MPG: variants seen among roughly 807,000 people sequenced by gnomAD.
MPG encodes DNA-3-methyladenine glycosylase.
In MPG, 33 loss-of-function variants were observed where a neutral mutation model predicts 31.7. The observed-to-expected ratio is 1.04, with a 90% CI of 0.79 to 1.39. MPG has a LOEUF of 1.39. MPG is among the 40% of genes most tolerant of loss of function. The probability of loss-of-function intolerance (pLI) is 0.00; values close to 1 mark genes in which losing one functional copy is unlikely to be tolerated. For synonymous variants in MPG, 202 were observed against 169.2 expected (o/e 1.19, Z -1.51); for missense variants, 455 against 415.5 (o/e 1.10, Z -0.83).
chr16:79,610 T>A lies in MPG; in HGVS notation c.210T>A (p.Tyr70Ter). 2 of 1,602,436 alleles carry A rather than the reference T, an allele frequency of 1.2e-6. No individual in the cohort carries two copies. The highest frequency in any genetic ancestry group is 1.7e-6 in the Non-Finnish European group (2 of 1,174,260). ...CTCCGGGCCCATACCGCAGCATCTATTTCTCAAGCCCAAAGGGCCACCTTA... is the reference window on the plus strand; with the variant it reads ...CTCCGGGCCCATACCGCAGCATCTAATTCTCAAGCCCAAAGGGCCACCTTA... ...PTTPGPYRSI[Y>*]FSSPKGHLTR... Residue 70 changes from tyrosine (Y) to a stop codon, truncating the protein, a stop_gained, in exon 2 of 4, where the codon TAT (tyrosine) becomes TAA (stop). Transcript: ENST00000356432. LOFTEE classifies it high-confidence loss of function.
chr16:78,307 C>T lies in MPG; in HGVS notation c.-3C>T, dbSNP rs931830716. The T allele has an allele frequency of 5.3e-6, 7 of 1,330,940 alleles. No individual in the cohort carries two copies. The highest frequency in any genetic ancestry group is 3.2e-5 in the East Asian group (1 of 30,778). The allele number at this position is 1,330,940 out of a possible 1,614,324, so 82.4% of individuals were successfully genotyped here. ...CCCACGAAGCCCCGGCCCGAGCCGC[C>T]GGATGCCCGCGCGCAGCGGGGCCCA... On this transcript the variant is annotated 5_prime_UTR_variant, in exon 1 of 4. Transcript: ENST00000356432.
At chr16:85,339 G>A (rs934212442) in intron 3 of MPG, 62 bp from the exon 4 acceptor site, 2 of 1,521,372 alleles carry the variant, frequency 1.3e-6, no homozygotes, top group South Asian at 1.3e-5. Context: ...GTCTGGATGT[G>A]TACTAGGGCA....
At chr16:80,219 G>A (rs532622822) in intron 2 of MPG, among the ~76,000 whole-genome samples, 1 of 152,334 alleles carries the variant, frequency 6.6e-6, no homozygotes, top group African/African-American at 2.4e-5. Context: ...GTCCCCACGA[G>A]CAGATGCTCA....
At chr16:82,251 C>CCCACACTGA (rs1173920037) in intron 2 of MPG, among the ~76,000 whole-genome samples, 1 of 152,070 alleles carries the variant, frequency 6.6e-6, no homozygotes, top group Admixed American at 6.6e-5. Context: ...CTGAATGCTC[C>CCCACACTGA]CCCGGCGAGC....
chr16:83,106 A>C lies in MPG; in HGVS notation c.355A>C (p.Thr119Pro). The C allele has an allele frequency of 6.2e-7, 1 of 1,612,826 alleles. No homozygotes were observed. The highest frequency in any genetic ancestry group is 8.5e-7 in the Non-Finnish European group (1 of 1,179,708). Reference protein sequence around the residue: ...GTELRGRIVETEAYLGPEDEA... With the variant: ...GTELRGRIVEPEAYLGPEDEA... ...AGAACTCCGAGGCCGCATCGTGGAGACCGAGGCATACCTGGGGCCAGAGGA... is the reference window on the plus strand; with the variant it reads ...AGAACTCCGAGGCCGCATCGTGGAGCCCGAGGCATACCTGGGGCCAGAGGA... The change falls in exon 3 of 4, where the codon ACC becomes CCC. Residue 119 changes from threonine to proline, a missense_variant. Transcript: ENST00000356432.
At chr16:81,567 C>A (rs1898236302) in intron 2 of MPG, among the ~76,000 whole-genome samples, 1 of 151,976 alleles carries the variant, frequency 6.6e-6, no homozygotes, top group Non-Finnish European at 1.5e-5. Context: ...GCTTCCCGCC[C>A]AGGCACTGAC....
chr16:83,615 C>T (rs914669769), intron 3 of MPG, among the ~76,000 whole-genome samples: 13 of 152,052 alleles, frequency 8.5e-5, no homozygotes, highest in African/African-American at 2.4e-4. Context: ...GTAGTGGGCT[C>T]CTGTAATCCC....
At chr16:80,814 T>TA (rs138627471) in intron 2 of MPG, among the ~76,000 whole-genome samples, 21 of 147,176 alleles carry the variant, frequency 1.4e-4, no homozygotes, top group Admixed American at 2.7e-4. Context: ...GTCTCAAAAA[T>TA]AAAAAAAAAA....
chr16:79,639 G>A lies in MPG; in HGVS notation c.239G>A (p.Arg80Gln), dbSNP rs376049637. 9.0e-5 allele frequency: 142 copies of A among 1,579,566 alleles called. No individual in the cohort carries two copies. The highest frequency in any genetic ancestry group is 1.2e-4 in the Non-Finnish European group (136 of 1,161,908). ...TCAAGCCCAAAGGGCCACCTTACCCGACTGGGGTTGGAGTTCTTCGACCAG... is the reference window on the plus strand; with the variant it reads ...TCAAGCCCAAAGGGCCACCTTACCCAACTGGGGTTGGAGTTCTTCGACCAG... ...YFSSPKGHLT[R>Q]LGLEFFDQPA... Residue 80 changes from arginine to glutamine, a missense_variant, in exon 2 of 4, where the codon CGA (arginine) becomes CAA (glutamine). Coordinates refer to ENST00000356432, the MANE Select transcript of MPG (RefSeq NM_001015052.3).
chr16:78,969 T>C (rs1898164610), intron 1 of MPG, among the ~76,000 whole-genome samples: 1 of 150,696 alleles, frequency 6.6e-6, no homozygotes, highest in Non-Finnish European at 1.5e-5. Flanking sequence ...TCCCTGTGTG[T>C]CCGACCTTGG....
Position 79,698 on chromosome 16 carries a change from CA to C in MPG, c.299del (p.Gln100ArgfsTer3). The C allele has an allele frequency of 6.4e-7, 1 of 1,556,788 alleles. No individual in the cohort carries two copies. The highest frequency in any genetic ancestry group is 1.2e-5 in the South Asian group (1 of 85,278). On this transcript the variant is annotated frameshift_variant and splice_region_variant, in exon 2 of 4. Transcript: ENST00000356432. LOFTEE classifies it high-confidence loss of function. ...CCCCCTGGCCCGGGCATTTCTGGGA[CA>C]GGTAATGTGAACATAGCAGCGAGGG... ...AVPLARAFLG[Q>X]VLVRRLPNGT...
At chr16:79,377 A>C (rs752333464) in intron 1 of MPG, 48 bp from the exon 2 acceptor site, 22 of 1,613,792 alleles carry the variant, frequency 1.4e-5, no homozygotes, top group Non-Finnish European at 1.7e-5. Context: ...ACCTTACCAC[A>C]CAGCTGTCTC....
Position 79,554 on chromosome 16 carries a change from C to T in MPG, c.154C>T (p.Pro52Ser). ...GTCCGATGCAGCCCAGGCACCTTGCCCCAGGGAGCGCTGCTTGGGACCGCC... is the reference window on the plus strand; with the variant it reads ...GTCCGATGCAGCCCAGGCACCTTGCTCCAGGGAGCGCTGCTTGGGACCGCC... ...SSSDAAQAPCPRERCLGPPTT... is the reference protein window; with the variant it reads ...SSSDAAQAPCSRERCLGPPTT... The change falls in exon 2 of 4, where the codon CCC becomes TCC. Residue 52 changes from proline to serine, a missense_variant. Coordinates refer to ENST00000356432, the MANE Select transcript of MPG (RefSeq NM_001015052.3). 3.7e-6 allele frequency: 6 copies of T among 1,612,858 alleles called. No individual in the cohort carries two copies. Among genetic ancestry groups the T allele is most frequent in the South Asian group, 1.1e-5 (1 of 91,062 alleles).
At chr16:78,030 G>C (rs1898135121), upstream of MPG, 8 of 290,070 alleles carry the variant, frequency 2.8e-5, 1 homozygote, top group South Asian at 1.1e-3. Flanking sequence ...CCCACCCCCA[G>C]GTGCCCCTTC....
chr16:82,761 G>A (rs1898285523), intron 2 of MPG, among the ~76,000 whole-genome samples: 1 of 152,206 alleles, frequency 6.6e-6, no homozygotes, highest in Admixed American at 6.5e-5. Context: ...TGACCTGCAA[G>A]GTGAATCCAT....
Position 85,582 on chromosome 16 carries a change from G to A in MPG, c.687G>A (p.Arg229=). 2 of 1,613,240 alleles carry A rather than the reference G, an allele frequency of 1.2e-6. No homozygotes were observed. Among genetic ancestry groups the A allele is most frequent in the Non-Finnish European group, 1.7e-6 (2 of 1,179,810 alleles). ...CCATCAACAAGAGCTTTGACCAGAG[G>A]GACCTGGCACAGGATGAAGCTGTAT... is the stretch of plus-strand genomic sequence containing the variant. ...ALAINKSFDQ[R]DLAQDEAVWL... Residue 229 remains arginine (R), a synonymous_variant, in exon 4 of 4, where the codon AGG becomes AGA. Transcript: ENST00000356432.
chr16:79,252 C>G (rs764278434), intron 1 of MPG, 173 bp from the exon 2 acceptor site: 1 of 1,553,438 alleles, frequency 6.4e-7, no homozygotes, highest in East Asian at 2.4e-5. Context: ...CCTGAGGCCT[C>G]GAGTGTGTCA....
chr16:83,763 AAAAG>A (rs1247493279), intron 3 of MPG, among the ~76,000 whole-genome samples: 1 of 149,782 alleles, frequency 6.7e-6, no homozygotes, highest in African/African-American at 2.4e-5. Context: ...AAAGGAAAGG[AAAAG>A]AAAGGGTTGG....
chr16:78,316 G>A lies in MPG; in HGVS notation c.7G>A (p.Ala3Thr). ...CCCCGGCCCGAGCCGCCGGATGCCCGCGCGCAGCGGGGCCCAGGTGAGCGC... is the reference window on the plus strand; with the variant it reads ...CCCCGGCCCGAGCCGCCGGATGCCCACGCGCAGCGGGGCCCAGGTGAGCGC... MPARSGAQFCRRM... is the reference protein window; with the variant it reads MPTRSGAQFCRRM... Residue 3 changes from alanine (A) to threonine (T), a missense_variant, in exon 1 of 4, where the codon GCG becomes ACG. Physicochemically the swap from Ala to Thr is moderately conservative, Grantham distance 58 (BLOSUM62 0). Coordinates refer to ENST00000356432, the MANE Select transcript of MPG (RefSeq NM_001015052.3). 7.5e-7 allele frequency: 1 copy of A among 1,325,794 alleles called. No homozygotes were observed. Among genetic ancestry groups the A allele is most frequent in the South Asian group, 1.8e-5 (1 of 54,446 alleles). 82.1% of individuals were successfully genotyped at this position (1,325,794 alleles called of 1,614,324 possible). A position where few individuals can be genotyped will look rare whatever the true frequency, so the allele number is the denominator to read the frequency against.
Sources: gnomAD v4.1 joint callset for allele counts (sites outside exome capture counted in the v4.1 genomes callset) on GRCh38, gnomAD v4.1.1 for gene constraint, MANE v1.5 for transcripts, NCBI Gene and HGNC (gene_info 2026-07-23, HGNC 2026-07-21) for gene names.